DPRX: variants seen among roughly 807,000 people sequenced by gnomAD.
DPRX encodes the protein divergent paired-related homeobox.
Under a neutral mutation model 8.4 loss-of-function variants are expected in DPRX, and 11 were observed. The observed-to-expected ratio is 1.31, with a 90% CI of 0.82 to 2.17. The LOEUF (loss-of-function observed/expected upper bound fraction) is 2.17. DPRX is among the 30% of genes most tolerant of loss of function. The pLI is 0.00. For missense variants in DPRX, 211 were observed against 236.7 expected (o/e 0.89, Z 0.71); for synonymous variants, 72 against 87.0 (o/e 0.83, Z 0.96).
At chr19:53,624,844 AG>A in the DPRX span, among the ~76,000 whole-genome samples, 47,381 of 121,322 alleles carry the variant, frequency 0.39, 10,395 homozygotes, top group Non-Finnish European at 0.47. Context: ...AAAAAAAAAA[AG>A]AAAGAAAGAA....
the DPRX span, among the ~76,000 whole-genome samples, chr19:53,624,902 G>A: frequency 6.6e-6 from 1 of 151,432 alleles, no homozygotes; most frequent in African/African-American, 2.4e-5. Flanking sequence ...AGATGAGATC[G>A]GGCGTGTTCC....
chr19:53,633,236 G>A (rs572502107), intron 1 of DPRX, among the ~76,000 whole-genome samples: 3 of 152,314 alleles, frequency 2.0e-5, no homozygotes, highest in African/African-American at 7.2e-5. Flanking sequence ...TGAGGCTGAA[G>A]TGAGCTGTGA....
At chr19:53,603,292 C>CG in the DPRX span, 3,377 of 454,228 alleles carry the variant, frequency 7.4e-3, 75 homozygotes, top group Admixed American at 0.047. Flanking sequence ...ACTCCCTACT[C>CG]GGCCCCCTGC....
upstream of DPRX, among the ~76,000 whole-genome samples, chr19:53,627,867 G>A (rs2091077404): frequency 6.6e-6 from 1 of 150,602 alleles, no homozygotes; most frequent in Admixed American, 6.6e-5. Flanking sequence ...CCTGGCCAAC[G>A]TGGCAAATAC....
chr19:53,616,921 T>C, the DPRX span: 1 of 1,367,814 alleles, frequency 7.3e-7, no homozygotes, highest in African/African-American at 1.4e-5. Flanking sequence ...GGTGGTGGTG[T>C]CTTACTTCCT....
the DPRX span, chr19:53,603,535 C>T: frequency 7.5e-6 from 3 of 399,294 alleles, no homozygotes; most frequent in Non-Finnish European, 1.5e-5. Flanking sequence ...CTGAAATTCT[C>T]GTCTGGCTGG....
the DPRX span, among the ~76,000 whole-genome samples, chr19:53,605,690 G>A: frequency 6.6e-6 from 1 of 151,570 alleles, no homozygotes; most frequent in Non-Finnish European, 1.5e-5. Context: ...TTTGAGACAG[G>A]GTCTTGCTTT....
chr19:53,613,808 C>T, the DPRX span, among the ~76,000 whole-genome samples: 2 of 152,072 alleles, frequency 1.3e-5, no homozygotes, highest in Non-Finnish European at 2.9e-5. Context: ...AATGAGCCCC[C>T]CTAAATAATT....
At chr19:53,603,737 C>G in the DPRX span, among the ~76,000 whole-genome samples, 1 of 150,514 alleles carries the variant, frequency 6.6e-6, no homozygotes, top group Non-Finnish European at 1.5e-5. Flanking sequence ...TCCTTTTTTT[C>G]TTTTCTTTCT....
chr19:53,625,058 T>C, the DPRX span, among the ~76,000 whole-genome samples: 1 of 130,852 alleles, frequency 7.6e-6, no homozygotes, highest in Non-Finnish European at 1.6e-5. Flanking sequence ...GGTGTCATCA[T>C]GGGCTTTTTT....
chr19:53,618,116 C>T, the DPRX span, among the ~76,000 whole-genome samples: 1 of 147,322 alleles, frequency 6.8e-6, no homozygotes, highest in Non-Finnish European at 1.5e-5. Flanking sequence ...GCACTCCAGC[C>T]TGGGCGACAG....
At chr19:53,616,689 G>T in the DPRX span, 3 of 849,624 alleles carry the variant, frequency 3.5e-6, no homozygotes, top group Non-Finnish European at 5.3e-6. Context: ...CATAGGCAGA[G>T]GTTGCAATGA....
the DPRX span, among the ~76,000 whole-genome samples, chr19:53,614,568 A>G: frequency 6.6e-6 from 1 of 152,206 alleles, no homozygotes; most frequent in Non-Finnish European, 1.5e-5. Flanking sequence ...AAAATTTTTA[A>G]TGAAACAGAA....
At chr19:53,636,288 C>T (rs1664805229) in intron 2 of DPRX, among the ~76,000 whole-genome samples, 1 of 151,870 alleles carries the variant, frequency 6.6e-6, no homozygotes, top group Non-Finnish European at 1.5e-5. Flanking sequence ...ATCGCTTGAA[C>T]CTGGGAGGCG....
At chr19:53,601,642 C>A in the DPRX span, among the ~76,000 whole-genome samples, 2 of 152,004 alleles carry the variant, frequency 1.3e-5, no homozygotes, top group South Asian at 2.1e-4. Context: ...CCACCATGCC[C>A]GGCTAATTTT....
the DPRX span, among the ~76,000 whole-genome samples, chr19:53,613,436 C>T: frequency 6.6e-6 from 1 of 151,998 alleles, no homozygotes; most frequent in Non-Finnish European, 1.5e-5. Context: ...TAACCTTCAC[C>T]TCCCAGGTTC....
chr19:53,618,884 G>T, the DPRX span, among the ~76,000 whole-genome samples: 1 of 151,954 alleles, frequency 6.6e-6, no homozygotes, highest in Admixed American at 6.6e-5. Context: ...GTTTTGCCAT[G>T]TTTGTCAGGC....
At chr19:53,608,210 A>T in the DPRX span, 3 of 147,758 alleles carry the variant, frequency 2.0e-5, no homozygotes, top group African/African-American at 7.5e-5. Context: ...AAAAATAAAT[A>T]AAAATTAAAA....
the DPRX span, chr19:53,602,267 G>GT: frequency 2.5e-5 from 7 of 277,300 alleles, no homozygotes; most frequent in East Asian, 3.2e-4. Flanking sequence ...TATGGGTATG[G>GT]GTGTGTGTGT....
Sources: allele counts gnomAD v4.1 joint callset (sites outside exome capture counted in the v4.1 genomes callset), GRCh38; gene constraint gnomAD v4.1.1; transcripts MANE v1.5; gene names NCBI Gene and HGNC (gene_info 2026-07-23, HGNC 2026-07-21).